The following NOL4L variants were observed in gnomAD, a reference collection of about 807,000 sequenced individuals.
NOL4L encodes nucleolar protein 4 like, also known as nucleolar protein 4-like.
NOL4L carries 7 observed loss-of-function variants against 64.5 expected under a neutral mutation model. The observed-to-expected ratio is 0.11, with a 90% CI of 0.06 to 0.20. The LOEUF (loss-of-function observed/expected upper bound fraction) is 0.20. Ranked by LOEUF, NOL4L falls within the 10% of genes least tolerant of loss-of-function variation. The probability of loss-of-function intolerance (pLI) is 1.00; values close to 1 mark genes in which losing one functional copy is unlikely to be tolerated. For synonymous variants in NOL4L, 413 were observed against 401.0 expected, an observed-to-expected ratio of 1.03 and a Z score of -0.36; for missense variants, 680 against 967.1, an observed-to-expected ratio of 0.70 and a Z score of 3.94.
intron 1 of NOL4L, among the ~76,000 whole-genome samples, chr20:32,546,267 G>A (rs1326189198): frequency 6.6e-6 from 1 of 151,212 alleles, no homozygotes; most frequent in Non-Finnish European, 1.5e-5. Context: ...TTTTTGGCGA[G>A]GGGATGGAGT....
rs1367775336 is a variant in NOL4L at position 32,447,640 on chromosome 20, G to A, written c.1999C>T (p.Arg667Cys). The change falls in exon 11 of 11, where the codon CGC becomes TGC. Residue 667 changes from arginine (R) to cysteine (C), a missense_variant. Around this residue, in one of 4 missense-constraint regions of NOL4L, gnomAD observed 175 missense variants for 227.0 expected, o/e 0.77. Transcript: ENST00000621426. ...AGGTTTTCCAGTTCATCTGCAGAGCGCAGCAGGAAGGCAGCAGACTCCCGG... is the reference window on the plus strand; with the variant it reads ...AGGTTTTCCAGTTCATCTGCAGAGCACAGCAGGAAGGCAGCAGACTCCCGG... The part of the protein sequence containing the change: ...GYRESAAFLL[R>C]SADELENLIL... The A allele has an allele frequency of 1.9e-6, 3 of 1,609,746 alleles. No homozygotes were observed. Among genetic ancestry groups the A allele is most frequent in the Admixed American group, 1.7e-5 (1 of 60,010 alleles).
At chr20:32,567,896 ATCT>A (rs1388107200) in intron 1 of NOL4L, among the ~76,000 whole-genome samples, 3 of 151,060 alleles carry the variant, frequency 2.0e-5, no homozygotes, top group Non-Finnish European at 4.4e-5. Context: ...CACCACCATC[ATCT>A]TCATCACCAT....
intron 4 of NOL4L, among the ~76,000 whole-genome samples, chr20:32,493,880 C>T (rs2016563428): frequency 6.6e-6 from 1 of 152,154 alleles, no homozygotes; most frequent in African/African-American, 2.4e-5. Flanking sequence ...CTTTCTCTTT[C>T]CCCACCCCTT....
intron 1 of NOL4L, among the ~76,000 whole-genome samples, chr20:32,538,537 G>C (rs528108407): frequency 1.4e-4 from 20 of 144,642 alleles, no homozygotes; most frequent in South Asian, 1.2e-3. Flanking sequence ...ACCCTGGGCT[G>C]CAGCTGAGAA....
At chr20:32,472,830 G>A (rs1045781390) in intron 5 of NOL4L, among the ~76,000 whole-genome samples, 1 of 152,154 alleles carries the variant, frequency 6.6e-6, no homozygotes, top group African/African-American at 2.4e-5. Flanking sequence ...CATCCTCCCT[G>A]TCCCAGCTCT....
intron 3 of NOL4L, among the ~76,000 whole-genome samples, chr20:32,513,811 G>A (rs1367065433): frequency 1.3e-5 from 2 of 152,084 alleles, no homozygotes; most frequent in East Asian, 1.9e-4. Flanking sequence ...GCAGCACTGC[G>A]ATCCAGCCTG....
intron 1 of NOL4L, among the ~76,000 whole-genome samples, chr20:32,581,074 C>G (rs1021256840): frequency 6.6e-6 from 1 of 152,238 alleles, no homozygotes; most frequent in Non-Finnish European, 1.5e-5. Flanking sequence ...CAGGCTTCAC[C>G]CGGCCAGGAG....
At chr20:32,514,257 T>C (rs540695648) in intron 3 of NOL4L, among the ~76,000 whole-genome samples, 10 of 152,216 alleles carry the variant, frequency 6.6e-5, no homozygotes, top group African/African-American at 2.4e-4. Context: ...TTAGGGAGGC[T>C]GAGGCAGGCG....
chr20:32,559,067 T>C (rs1173787753), intron 1 of NOL4L, among the ~76,000 whole-genome samples: 1 of 152,210 alleles, frequency 6.6e-6, no homozygotes, highest in Non-Finnish European at 1.5e-5. Context: ...AGAGCTGTAG[T>C]GTGGCCGCAA....
rs57444583 is a variant in NOL4L at position 32,485,058 on chromosome 20, C to CAAAAAAAAAAAAAAAAA, written c.700-10333_700-10317dup. On this transcript the variant is annotated intron_variant, in intron 4 of 10. Coordinates refer to ENST00000621426, the MANE Select transcript of NOL4L (RefSeq NM_001256798.2). The stretch of plus-strand genomic sequence containing the variant: ...TCGTGGAATTCTGTGGGGAAATTGC[C>CAAAAAAAAAAAAAAAAA]AAAAAAAAAAAAAAAAAAAAAAAAA... Among the ~76,000 whole-genome samples the CAAAAAAAAAAAAAAAAA allele has an allele frequency of 5.1e-3, 90 of 17,794 alleles. 1 individual carries two copies. The highest frequency in any genetic ancestry group is 0.016 in the East Asian group (6 of 374). 11.7% of individuals were successfully genotyped at this position (17,794 alleles called of 152,430 possible).
chr20:32,565,208 G>A (rs1261368198), intron 1 of NOL4L, among the ~76,000 whole-genome samples: 1 of 142,514 alleles, frequency 7.0e-6, no homozygotes, highest in Non-Finnish European at 1.5e-5. Context: ...CGCCCTCCCA[G>A]CCCAGCCAGG....
chr20:32,536,304 C>G, intron 1 of NOL4L: 1 of 985,280 alleles, frequency 1.0e-6, no homozygotes, highest in Non-Finnish European at 1.2e-6. Flanking sequence ...GGGTCCCTCT[C>G]GGGCCGAGGA....
Position 32,556,080 on chromosome 20 carries a change from A to T in NOL4L, c.322-28167T>A, listed in dbSNP as rs114504453. Among the ~76,000 whole-genome samples, 1,139 of 152,328 alleles carry T rather than the reference A, an allele frequency of 7.5e-3. 10 individuals carry two copies. Among genetic ancestry groups the T allele is most frequent in the African/African-American group, 0.026 (1,101 of 41,576 alleles). On this transcript the variant is annotated intron_variant, in intron 1 of 10. Transcript: ENST00000621426. ...AGACGGGGTCTGCCTTGGTCTCTGCACAGTGCCAGGTGCATAGTAGGCCCC... is the reference window on the plus strand; with the variant it reads ...AGACGGGGTCTGCCTTGGTCTCTGCTCAGTGCCAGGTGCATAGTAGGCCCC...
chr20:32,565,987 G>C (rs2072905112), intron 1 of NOL4L, among the ~76,000 whole-genome samples: 1 of 152,200 alleles, frequency 6.6e-6, no homozygotes, highest in African/African-American at 2.4e-5. Flanking sequence ...CAAGGCTGCA[G>C]TGAGCTGTGA....
chr20:32,463,862 C>T lies in NOL4L; in HGVS notation c.842-7467G>A, dbSNP rs923539256. On this transcript the variant is annotated intron_variant, in intron 5 of 10. Coordinates refer to ENST00000621426, the MANE Select transcript of NOL4L (RefSeq NM_001256798.2). This position sits in a 1 kb window ranked among gnomAD's most constrained non-coding sequence, Gnocchi z 5.8. ...CTCCCACCAGCTCCCAGGCTAGGCT[C>T]GGAGAACGGGAAGGCCCACCATCCC... Among the ~76,000 whole-genome samples the T allele has an allele frequency of 2.0e-5, 3 of 152,130 alleles. No individual in the cohort carries two copies. Among genetic ancestry groups the T allele is most frequent in the Non-Finnish European group, 4.4e-5 (3 of 68,006 alleles).
chr20:32,554,156 TA>T lies in NOL4L; in HGVS notation c.322-26244del, dbSNP rs530134332. On this transcript the variant is annotated intron_variant, in intron 1 of 10. Coordinates refer to ENST00000621426, the MANE Select transcript of NOL4L (RefSeq NM_001256798.2). ...TAACAGGGTGAAACCCCGTCTCTAC[TA>T]AAAAATACAAAAAATTAGCCGGGCG... 1.8e-4 allele frequency among the ~76,000 whole-genome samples: 27 copies of T among 151,642 alleles called. No individual in the cohort carries two copies. The East Asian group carries it at 2.5e-3, about 14-fold the overall frequency.
chr20:32,555,052 C>T (rs1389409652), intron 1 of NOL4L, among the ~76,000 whole-genome samples: 2 of 152,174 alleles, frequency 1.3e-5, no homozygotes, highest in African/African-American at 4.8e-5. Flanking sequence ...TCTGTGGCCT[C>T]CCTGTACCCT....
chr20:32,446,825 G>C lies in NOL4L; in HGVS notation c.*771C>G. The C allele has an allele frequency of 4.8e-6, 1 of 209,496 alleles. No individual in the cohort carries two copies. Among genetic ancestry groups the C allele is most frequent in the Non-Finnish European group, 9.7e-6 (1 of 103,018 alleles). The allele number at this position is 209,496 out of a possible 1,614,324, so 13.0% of individuals were successfully genotyped here. ...GGTAGAATACAGGTGACCATGGACTGGGGCTTCTGTAGAATGGGGTCGGGG... is the reference window on the plus strand; with the variant it reads ...GGTAGAATACAGGTGACCATGGACTCGGGCTTCTGTAGAATGGGGTCGGGG... On this transcript the variant is annotated 3_prime_UTR_variant, in exon 11 of 11. Transcript: ENST00000621426.
chr20:32,511,318 GGT>G lies in NOL4L; in HGVS notation c.699+27_699+28del, dbSNP rs2017394409. The G allele has an allele frequency of 6.2e-6, 9 of 1,448,426 alleles. No homozygotes were observed. The East Asian group carries it at 2.2e-4, about 36-fold the overall frequency. 89.7% of individuals were successfully genotyped at this position (1,448,426 alleles called of 1,614,324 possible). On this transcript the variant is annotated intron_variant, in intron 4 of 10. Transcript: ENST00000621426. ...CGCCAGGCAAGTCAGGACGCCTCCAGGTGGGGTGAGGGGAGACGGCCGCCTTA... is the reference window on the plus strand; with the variant it reads ...CGCCAGGCAAGTCAGGACGCCTCCAGGGGGTGAGGGGAGACGGCCGCCTTA...
Sources: gnomAD v4.1 joint callset for allele counts (sites outside exome capture counted in the v4.1 genomes callset) on GRCh38, gnomAD v4.1.1 for gene constraint, gnomAD v4.1.1 regional missense constraint, Gnocchi (gnomAD v3.1) non-coding constraint, MANE v1.5 for transcripts, NCBI Gene and HGNC (gene_info 2026-07-23, HGNC 2026-07-21) for gene names.